SYBU: variants seen among roughly 807,000 people sequenced by gnomAD.
The protein encoded by SYBU is GOLSYN A protein.
A neutral mutation model predicts 35.9 loss-of-function variants in SYBU; 21 were observed. The ratio of observed to expected loss-of-function variants is 0.58; its 90% CI spans 0.41 to 0.84. The LOEUF is 0.84. Ranked by LOEUF, SYBU falls within the 40% of genes least tolerant of loss-of-function variation. The probability of loss-of-function intolerance (pLI) is 0.00; values close to 1 mark genes in which losing one functional copy is unlikely to be tolerated. For synonymous variants in SYBU, 319 were observed against 324.3 expected, an observed-to-expected ratio of 0.98 and a Z score of 0.18; for missense variants, 768 against 848.2, an observed-to-expected ratio of 0.91 and a Z score of 1.17.
intron 3 of SYBU, among the ~76,000 whole-genome samples, chr8:109,597,572 A>G (rs1405969877): frequency 6.6e-6 from 1 of 151,684 alleles, no homozygotes; most frequent in Non-Finnish European, 1.5e-5. Flanking sequence ...AAAATTAGCC[A>G]GGCATGGTGG....
intron 2 of SYBU, among the ~76,000 whole-genome samples, chr8:109,639,176 C>T (rs190605938): frequency 5.9e-5 from 9 of 152,200 alleles, no homozygotes; most frequent in Non-Finnish European, 1.0e-4. Context: ...GAGAAAACAT[C>T]AACATTGAGT....
At chr8:109,684,757 C>A (rs558665210), upstream of SYBU, among the ~76,000 whole-genome samples, 1 of 152,288 alleles carries the variant, frequency 6.6e-6, no homozygotes, top group African/African-American at 2.4e-5. Context: ...AGAGGACTAT[C>A]TATTCTTTTC....
Position 109,642,742 on chromosome 8 carries a change from T to C in SYBU, c.215A>G (p.Asn72Ser). 6.2e-7 allele frequency: 1 copy of C among 1,604,716 alleles called. No homozygotes were observed. Among genetic ancestry groups the C allele is most frequent in the Non-Finnish European group, 8.5e-7 (1 of 1,175,666 alleles). Residue 72 changes from asparagine to serine, a missense_variant, in exon 2 of 7, where the codon AAC becomes AGC. Transcript: ENST00000276646. ...GGGTACTGTACCTGAGCAGAAGCTG[T>C]TGCTGCTAACGGTCCTCGCTGAGCG... The part of the protein sequence containing the change: ...SGRSARTVSS[N>S]SFCSDDTGCP...
chr8:109,597,307 A>T (rs527246366), intron 3 of SYBU, among the ~76,000 whole-genome samples: 1 of 152,308 alleles, frequency 6.6e-6, no homozygotes, highest in Non-Finnish European at 1.5e-5. Flanking sequence ...CTGGTGTTTA[A>T]TGCAGCCCAG....
chr8:109,585,295 A>G (rs1436785857), intron 4 of SYBU, among the ~76,000 whole-genome samples: 1 of 152,230 alleles, frequency 6.6e-6, no homozygotes, highest in Admixed American at 6.5e-5. Context: ...TTCAAATAAC[A>G]TCAATGGAGA....
intron 2 of SYBU, among the ~76,000 whole-genome samples, chr8:109,627,120 A>G (rs1210199540): frequency 6.6e-6 from 1 of 151,622 alleles, no homozygotes; most frequent in African/African-American, 2.4e-5. Flanking sequence ...TTATGGTTTG[A>G]TTCTGTTCGA....
chr8:109,605,434 C>T (rs557580376), intron 3 of SYBU, among the ~76,000 whole-genome samples: 13 of 152,114 alleles, frequency 8.5e-5, no homozygotes, highest in Non-Finnish European at 1.8e-4. Flanking sequence ...CTCTCAAGAC[C>T]TCATTTTAAA....
intron 1 of SYBU, among the ~76,000 whole-genome samples, chr8:109,658,097 G>T (rs185632332): frequency 2.2e-4 from 34 of 152,228 alleles, no homozygotes; most frequent in Middle Eastern, 3.4e-3. Context: ...TCCTCTTAAA[G>T]GTACTGTAGC....
chr8:109,651,447 A>ATT (rs1816131097), intron 1 of SYBU, among the ~76,000 whole-genome samples: 1 of 105,838 alleles, frequency 9.4e-6, no homozygotes, highest in Non-Finnish European at 1.9e-5. Context: ...TGAAATTGAG[A>ATT]CTTTTTTTTT....
At chr8:109,672,669 C>T (rs1296235419) in intron 1 of SYBU, among the ~76,000 whole-genome samples, 1 of 152,188 alleles carries the variant, frequency 6.6e-6, no homozygotes, top group African/African-American at 2.4e-5. Flanking sequence ...TCCTGGAATG[C>T]CAGCGAGACA....
intron 4 of SYBU, among the ~76,000 whole-genome samples, chr8:109,583,706 C>G (rs946232193): frequency 9.9e-5 from 15 of 152,158 alleles, no homozygotes; most frequent in African/African-American, 2.9e-4. Context: ...GAGCTGCCCC[C>G]CCATGCGTGG....
intron 1 of SYBU, among the ~76,000 whole-genome samples, chr8:109,670,192 C>T (rs1193664020): frequency 6.6e-6 from 1 of 151,900 alleles, no homozygotes; most frequent in African/African-American, 2.4e-5. Context: ...TGTATGCATC[C>T]ACATACCAAG....
intron 2 of SYBU, among the ~76,000 whole-genome samples, chr8:109,640,662 T>G (rs144351682): frequency 1.3e-5 from 2 of 152,116 alleles, no homozygotes; most frequent in South Asian, 2.1e-4. Context: ...CTTGGGGGAA[T>G]AGTAGGCAAA....
intron 3 of SYBU, among the ~76,000 whole-genome samples, chr8:109,592,534 A>G (rs1824405285): frequency 6.6e-6 from 1 of 152,164 alleles, no homozygotes; most frequent in South Asian, 2.1e-4. Flanking sequence ...AGGAGGCCTT[A>G]AGGAGGCCAA....
intron 2 of SYBU, among the ~76,000 whole-genome samples, chr8:109,634,746 T>G (rs957549573): frequency 1.3e-5 from 2 of 152,236 alleles, no homozygotes; most frequent in Non-Finnish European, 2.9e-5. Flanking sequence ...GTGGAAAGCA[T>G]AAAGATGGGG....
intron 4 of SYBU, among the ~76,000 whole-genome samples, chr8:109,583,933 C>G (rs150595122): frequency 6.6e-6 from 1 of 151,946 alleles, no homozygotes; most frequent in Non-Finnish European, 1.5e-5. Flanking sequence ...CTCAACTTTA[C>G]GAGTAGCTGG....
At chr8:109,611,562 A>G (rs1165554005) in intron 3 of SYBU, among the ~76,000 whole-genome samples, 1 of 152,206 alleles carries the variant, frequency 6.6e-6, no homozygotes, top group African/African-American at 2.4e-5. Context: ...ATCCTAGGGG[A>G]GCATTCTTTC....
At chr8:109,618,562 T>C (rs1392888118) in intron 3 of SYBU, among the ~76,000 whole-genome samples, 1 of 152,226 alleles carries the variant, frequency 6.6e-6, no homozygotes, top group Non-Finnish European at 1.5e-5. Flanking sequence ...TAAATGCTTG[T>C]TAAAACATCT....
At chr8:109,657,122 A>G (rs1816385496) in intron 1 of SYBU, among the ~76,000 whole-genome samples, 1 of 152,086 alleles carries the variant, frequency 6.6e-6, no homozygotes, top group Admixed American at 6.5e-5. Context: ...CCTTGGTTGA[A>G]TCCTTTGAAT....
Sources: allele counts gnomAD v4.1 joint callset (sites outside exome capture counted in the v4.1 genomes callset), GRCh38; gene constraint gnomAD v4.1.1; transcripts MANE v1.5; gene names NCBI Gene and HGNC (gene_info 2026-07-23, HGNC 2026-07-21).